KHDRBS3: variants seen among roughly 807,000 people sequenced by gnomAD.
KHDRBS3 encodes KH domain-containing, RNA-binding, signal transduction-associated protein 3.
In KHDRBS3, 23 loss-of-function variants were observed where a neutral mutation model predicts 45.6. The ratio of observed to expected loss-of-function variants is 0.50; its 90% CI spans 0.36 to 0.72. The LOEUF (loss-of-function observed/expected upper bound fraction) is 0.72. KHDRBS3 is among the 30% of genes least tolerant of loss of function. The probability of loss-of-function intolerance (pLI) is 0.00; values close to 1 mark genes in which losing one functional copy is unlikely to be tolerated. For missense variants in KHDRBS3, 352 were observed against 424.8 expected (o/e 0.83, Z 1.51); for synonymous variants, 162 against 156.5 (o/e 1.04, Z -0.26).
chr8:135,467,083 A>C (rs2130150358), intron 1 of KHDRBS3, among the ~76,000 whole-genome samples: 1 of 152,380 alleles, frequency 6.6e-6, no homozygotes, highest in Non-Finnish European at 1.5e-5. Flanking sequence ...GTATCAGAAT[A>C]TCTCATGTAC....
Position 135,557,536 on chromosome 8 carries a change from G to A in KHDRBS3, c.560G>A (p.Arg187Gln), listed in dbSNP as rs376433950. ...GAAAATGCAGATGTTCCAGTGGTTC[G>A]AGGGAAACCCACCTTGCGTACAAGA... is the stretch of plus-strand genomic sequence containing the variant. The part of the protein sequence containing the change: ...GSENADVPVV[R>Q]GKPTLRTRGV... Residue 187 changes from arginine (R) to glutamine (Q), a missense_variant, in exon 5 of 9, where the codon CGA (arginine) becomes CAA (glutamine). Physicochemically the swap from Arg to Gln is conservative, Grantham distance 43. Transcript: ENST00000355849. 5 of 1,612,736 alleles carry A rather than the reference G, an allele frequency of 3.1e-6. No individual in the cohort carries two copies. The highest frequency in any genetic ancestry group is 1.7e-4 in the Middle Eastern group (1 of 6,060).
chr8:135,601,852 A>G (rs746879484), intron 6 of KHDRBS3, among the ~76,000 whole-genome samples: 20 of 152,280 alleles, frequency 1.3e-4, no homozygotes, highest in Middle Eastern at 3.4e-3. Flanking sequence ...TTAAATTTCT[A>G]TCTTAGCCTC....
At chr8:135,604,260 A>G (rs1299726966) in intron 6 of KHDRBS3, among the ~76,000 whole-genome samples, 17 of 151,428 alleles carry the variant, frequency 1.1e-4, no homozygotes, top group Admixed American at 1.1e-3. Context: ...TTTAGTTACT[A>G]TTTTCATGGA....
At chr8:135,492,152 C>CA (rs900315005) in intron 1 of KHDRBS3, among the ~76,000 whole-genome samples, 1 of 151,924 alleles carries the variant, frequency 6.6e-6, no homozygotes, top group Non-Finnish European at 1.5e-5. Context: ...AATTGTTTGG[C>CA]AAAATTCAGG....
intron 1 of KHDRBS3, among the ~76,000 whole-genome samples, chr8:135,508,292 T>C (rs1161745560): frequency 6.6e-6 from 1 of 152,188 alleles, no homozygotes; most frequent in Non-Finnish European, 1.5e-5. Flanking sequence ...ATGGTTGTTA[T>C]AGAATATCAT....
chr8:135,608,230 G>A (rs551273297), intron 7 of KHDRBS3, among the ~76,000 whole-genome samples: 14 of 152,288 alleles, frequency 9.2e-5, no homozygotes, highest in South Asian at 4.1e-4. Flanking sequence ...GTGAAAAGAT[G>A]AAATTCTAAG....
At chr8:135,646,350 T>C (rs7843249) in intron 8 of KHDRBS3, among the ~76,000 whole-genome samples, 151,880 of 152,276 alleles carry the variant, frequency 1, 75,745 homozygotes, top group East Asian at 1. Flanking sequence ...ATACCTTTGT[T>C]CAGTACGGAT....
chr8:135,569,497 T>C (rs1827594692), intron 5 of KHDRBS3, among the ~76,000 whole-genome samples: 1 of 152,230 alleles, frequency 6.6e-6, no homozygotes, highest in South Asian at 2.1e-4. Flanking sequence ...GGAGTTTTTC[T>C]AAGTTTGGAT....
At chr8:135,559,954 G>A (rs1055884103) in intron 5 of KHDRBS3, among the ~76,000 whole-genome samples, 1 of 152,128 alleles carries the variant, frequency 6.6e-6, no homozygotes, top group Non-Finnish European at 1.5e-5. Context: ...AGTGGCTTAT[G>A]CCTGTAATCC....
At chr8:135,539,894 C>A (rs541581463) in intron 2 of KHDRBS3, 1 of 152,242 alleles carries the variant, frequency 6.6e-6, no homozygotes, top group African/African-American at 2.4e-5. Context: ...ATATAAAAGT[C>A]AATAAAATGC....
intron 1 of KHDRBS3, among the ~76,000 whole-genome samples, chr8:135,520,942 T>C (rs1259131648): frequency 6.6e-6 from 1 of 152,214 alleles, no homozygotes; most frequent in Non-Finnish European, 1.5e-5. Flanking sequence ...ATCAGCCTTA[T>C]CTAGTTATCC....
chr8:135,647,814 G>T (rs139835175), downstream of KHDRBS3: 1 of 152,292 alleles, frequency 6.6e-6, no homozygotes, highest in African/African-American at 2.4e-5. Flanking sequence ...TGTTTAAAGA[G>T]TCCAAATGGT....
chr8:135,582,067 A>G lies in KHDRBS3; in HGVS notation c.801A>G (p.Gly267=). 1.3e-6 allele frequency: 2 copies of G among 1,543,542 alleles called. No homozygotes were observed. The highest frequency in any genetic ancestry group is 1.9e-5 in the Admixed American group (1 of 53,344). The part of the protein sequence containing the change: ...PPPPPTQETY[G]EYDYDDGYGT... The stretch of plus-strand genomic sequence containing the variant: ...CACCCCCGACACAAGAGACTTATGG[A>G]GAATATGTAAGTGAAGGTGTCAGAC... Residue 267 remains glycine (G), a synonymous_variant, in exon 6 of 9, where the codon GGA becomes GGG. Coordinates refer to ENST00000355849, the MANE Select transcript of KHDRBS3 (RefSeq NM_006558.3).
chr8:135,461,692 A>G (rs998997792), intron 1 of KHDRBS3, among the ~76,000 whole-genome samples: 1 of 152,330 alleles, frequency 6.6e-6, no homozygotes, highest in African/African-American at 2.4e-5. Context: ...ATGGTTTTCA[A>G]TACAAGCCAA....
intron 5 of KHDRBS3, among the ~76,000 whole-genome samples, chr8:135,572,316 C>A (rs1031431670): frequency 6.6e-6 from 1 of 152,198 alleles, no homozygotes; most frequent in Non-Finnish European, 1.5e-5. Flanking sequence ...AACTCTCTTG[C>A]ACTTAAGAAT....
At chr8:135,617,303 A>G (rs1013396246) in intron 7 of KHDRBS3, among the ~76,000 whole-genome samples, 43 of 147,340 alleles carry the variant, frequency 2.9e-4, no homozygotes, top group African/African-American at 1.0e-3. Flanking sequence ...TTTCAGAGAC[A>G]GAGTCTTACT....
intron 7 of KHDRBS3, among the ~76,000 whole-genome samples, chr8:135,643,994 T>C (rs1326949225): frequency 2.0e-5 from 3 of 152,178 alleles, no homozygotes; most frequent in African/African-American, 7.2e-5. Context: ...CTTGATTGTA[T>C]GAAATTGGAA....
At chr8:135,567,664 G>A (rs929350623) in intron 5 of KHDRBS3, among the ~76,000 whole-genome samples, 19 of 152,176 alleles carry the variant, frequency 1.2e-4, no homozygotes, top group African/African-American at 4.6e-4. Flanking sequence ...AATAGTAAGT[G>A]GAGATCAGGT....
chr8:135,540,113 T>C (rs1011015846), intron 2 of KHDRBS3: 1 of 152,180 alleles, frequency 6.6e-6, no homozygotes, highest in African/African-American at 2.4e-5. Context: ...TGCTCCATTT[T>C]TGAAACCTAT....
Sources: allele counts gnomAD v4.1 joint callset (sites outside exome capture counted in the v4.1 genomes callset), GRCh38; gene constraint gnomAD v4.1.1; transcripts MANE v1.5; gene names NCBI Gene and HGNC (gene_info 2026-07-23, HGNC 2026-07-21).